The following EP300 variants were observed in gnomAD, a reference collection of about 807,000 sequenced individuals.
EP300 encodes EP300 lysine acetyltransferase.
In EP300, 31 loss-of-function variants were observed where a neutral mutation model predicts 264.0. The observed-to-expected ratio is 0.12, with a 90% CI of 0.09 to 0.16. The LOEUF (loss-of-function observed/expected upper bound fraction) is 0.16, where lower values mean the gene tolerates loss of function less well. Ranked by LOEUF, EP300 falls within the 10% of genes least tolerant of loss-of-function variation. EP300 has a pLI of 1.00. For synonymous variants in EP300, 1,340 were observed against 1,045.4 expected, an observed-to-expected ratio of 1.28 and a Z score of -5.44; for missense variants, 2,766 against 3,052.9, an observed-to-expected ratio of 0.91 and a Z score of 2.21.
chr22:41,121,259 G>T (rs1163571667), intron 2 of EP300, among the ~76,000 whole-genome samples: 1 of 152,046 alleles, frequency 6.6e-6, no homozygotes, highest in Non-Finnish European at 1.5e-5. Flanking sequence ...TTTAGTTTAG[G>T]TAGCTATTTG....
intron 10 of EP300, 93 bp downstream of exon 10, chr22:41,141,315 A>G (rs535759944): frequency 2.2e-6 from 3 of 1,386,370 alleles, no homozygotes; most frequent in Non-Finnish European, 1.0e-6. Context: ...TTGTGTAACT[A>G]TTCTAGAGTT....
intron 5 of EP300, 53 bp downstream of exon 5, chr22:41,130,056 A>G: frequency 7.5e-7 from 1 of 1,339,016 alleles, no homozygotes; most frequent in Non-Finnish European, 1.1e-6. Flanking sequence ...AAGTCTCACC[A>G]GTGCCATTTA....
chr22:41,168,405 C>T, intron 23 of EP300, 44 bp from the exon 24 acceptor site: 2 of 1,608,716 alleles, frequency 1.2e-6, no homozygotes, highest in Non-Finnish European at 8.5e-7. Context: ...AGACTAACAA[C>T]AGTAAATTTG....
intron 1 of EP300, among the ~76,000 whole-genome samples, chr22:41,109,809 G>A (rs2058778696): frequency 6.7e-6 from 1 of 148,682 alleles, no homozygotes; most frequent in East Asian, 2.0e-4. Context: ...GCTCCCCCAA[G>A]CACCTCCCCA....
At chr22:41,116,661 G>A (rs918788842) in intron 1 of EP300, among the ~76,000 whole-genome samples, 46 of 151,836 alleles carry the variant, frequency 3.0e-4, no homozygotes, top group African/African-American at 1.1e-3. Flanking sequence ...CTTATTTTAG[G>A]TATAGTTCTT....
At chr22:41,130,564 A>G (rs2058912925) in intron 5 of EP300, among the ~76,000 whole-genome samples, 1 of 152,038 alleles carries the variant, frequency 6.6e-6, no homozygotes, top group African/African-American at 2.4e-5. Flanking sequence ...AAAAAAAACA[A>G]CTGAACACTG....
rs1325141473 is a variant in EP300 at position 41,092,986 on chromosome 22, A to G, written c.-19A>G. 3 of 1,613,768 alleles carry G rather than the reference A, an allele frequency of 1.9e-6. No individual in the cohort carries two copies. Among genetic ancestry groups the G allele is most frequent in the Admixed American group, 1.7e-5 (1 of 60,020 alleles). On this transcript the variant is annotated 5_prime_UTR_variant, in exon 1 of 31. Transcript: ENST00000263253. ...GAGGATTCTGGTTTTCCTCGCTTGTATCTCCGAAAGAATTAAAAATGGCCG... is the reference window on the plus strand; with the variant it reads ...GAGGATTCTGGTTTTCCTCGCTTGTGTCTCCGAAAGAATTAAAAATGGCCG...
At chr22:41,093,149 C>T (rs1178685048) in intron 1 of EP300, 51 bp downstream of exon 1, 2 of 1,551,334 alleles carry the variant, frequency 1.3e-6, no homozygotes, top group South Asian at 1.1e-5. Flanking sequence ...CTTTTCTACT[C>T]GGTGCGCCTT....
intron 11 of EP300, 82 bp downstream of exon 11, chr22:41,146,898 T>C (rs1021437321): frequency 8.3e-7 from 1 of 1,199,954 alleles, no homozygotes; most frequent in African/African-American, 1.5e-5. Context: ...AACACCCGCT[T>C]TATGCCAACA....
In EP300 at chr22:41,095,523, G is replaced by A. The variant is rs189242280; in HGVS notation, c.94+2425G>A. 2.1e-3 allele frequency among the ~76,000 whole-genome samples: 314 copies of A among 151,814 alleles called. 1 individual carries two copies. The highest frequency in any genetic ancestry group is 7.3e-3 in the African/African-American group (301 of 41,366). On this transcript the variant is annotated intron_variant, in intron 1 of 30. Coordinates refer to ENST00000263253, the MANE Select transcript of EP300 (RefSeq NM_001429.4). Reference sequence around the variant, plus strand: ...CTGGGGTTACAGGTATGAGCCGCCCGGCCAGAGGTACCATTATATCTTGAA... The same window carrying A: ...CTGGGGTTACAGGTATGAGCCGCCCAGCCAGAGGTACCATTATATCTTGAA...
At chr22:41,098,383 T>G (rs1490102048) in intron 1 of EP300, among the ~76,000 whole-genome samples, 1 of 152,214 alleles carries the variant, frequency 6.6e-6, no homozygotes, top group Non-Finnish European at 1.5e-5. Context: ...AAGTGATTGT[T>G]TTTTTTGAGA....
At chr22:41,146,006 T>C (rs562054597) in intron 10 of EP300, among the ~76,000 whole-genome samples, 2 of 152,242 alleles carry the variant, frequency 1.3e-5, no homozygotes, top group African/African-American at 4.8e-5. Flanking sequence ...TTAAAATCAA[T>C]GTTCACAGTT....
rs538234665 is a variant in EP300 at position 41,179,312 on chromosome 22, T to C, written c.*356T>C. The C allele has an allele frequency of 6.0e-5, 17 of 284,986 alleles. No homozygotes were observed. The highest frequency in any genetic ancestry group is 3.8e-4 in the Admixed American group (8 of 21,222). 17.7% of individuals were successfully genotyped at this position (284,986 alleles called of 1,614,324 possible). A position where few individuals can be genotyped will look rare whatever the true frequency, so the allele number is the denominator to read the frequency against. On this transcript the variant is annotated 3_prime_UTR_variant, in exon 31 of 31. Coordinates refer to ENST00000263253, the MANE Select transcript of EP300 (RefSeq NM_001429.4). ...TATTTTTTTTAAATTAATGAACATA[T>C]GTAATATTAATAGTTATTATTTACT...
At chr22:41,146,677 T>C (rs1454920089) in intron 10 of EP300, 62 bp from the exon 11 acceptor site, 1 of 1,420,986 alleles carries the variant, frequency 7.0e-7, no homozygotes, top group Non-Finnish European at 1.0e-6. Context: ...GTGTGTGCAG[T>C]GAGTTTTTGT....
chr22:41,173,297 C>T (rs530703883), intron 28 of EP300, among the ~76,000 whole-genome samples: 3 of 152,324 alleles, frequency 2.0e-5, no homozygotes, highest in East Asian at 3.9e-4. Flanking sequence ...CACTTTGATA[C>T]ACTCTTCACT....
intron 19 of EP300, chr22:41,160,365 TTG>T (rs1469703475): frequency 4.7e-6 from 2 of 423,182 alleles, no homozygotes; most frequent in Admixed American, 3.9e-5. Context: ...TTCGTTTGTT[TTG>T]TGTTTTTTTT....
At chr22:41,140,944 C>A in intron 9 of EP300, 104 bp from the exon 10 acceptor site, 1 of 1,098,584 alleles carries the variant, frequency 9.1e-7, no homozygotes, top group Non-Finnish European at 1.3e-6. Context: ...CTTAATGCAG[C>A]ATATAAAATG....
chr22:41,099,824 C>T (rs1204932738), intron 1 of EP300, among the ~76,000 whole-genome samples: 2 of 152,158 alleles, frequency 1.3e-5, no homozygotes, highest in African/African-American at 4.8e-5. Context: ...GAGATGGCTA[C>T]TAAGTGACAA....
intron 2 of EP300, 81 bp from the exon 3 acceptor site, chr22:41,125,783 C>T (rs1481909186): frequency 3.1e-5 from 45 of 1,442,812 alleles, no homozygotes; most frequent in Non-Finnish European, 4.1e-5. Flanking sequence ...TCTTTGTGAA[C>T]TTGGAAGTGA....
Sources: gnomAD v4.1 joint callset for allele counts (sites outside exome capture counted in the v4.1 genomes callset) on GRCh38, gnomAD v4.1.1 for gene constraint, MANE v1.5 for transcripts, NCBI Gene and HGNC (gene_info 2026-07-23, HGNC 2026-07-21) for gene names.